Variants in COL5A2 observed in about 807,000 individuals in gnomAD.
COL5A2 encodes the protein collagen alpha-2(V) chain.
Under a neutral mutation model 208.2 loss-of-function variants are expected in COL5A2, and 23 were observed. The observed-to-expected ratio is 0.11, with a 90% CI of 0.08 to 0.16. The LOEUF is 0.16. Among genes scored for constraint, COL5A2 ranks in the 10% least tolerant of loss-of-function variants. The pLI is 1.00. For missense variants in COL5A2, 1,590 were observed against 1,956.4 expected (o/e 0.81, Z 3.53); for synonymous variants, 625 against 628.5 (o/e 0.99, Z 0.08).
chr2:189,196,052 A>T (rs1306703674), intron 1 of COL5A2, among the ~76,000 whole-genome samples: 1 of 152,172 alleles, frequency 6.6e-6, no homozygotes, highest in African/African-American at 2.4e-5. Flanking sequence ...TTTGCAATCT[A>T]CCCATCTGAC....
chr2:189,380,202 A>C, the COL5A2 span, among the ~76,000 whole-genome samples: 1 of 152,054 alleles, frequency 6.6e-6, no homozygotes, highest in African/African-American at 2.4e-5. Context: ...CTATCTAGGG[A>C]AGGTAGATGA....
the COL5A2 span, among the ~76,000 whole-genome samples, chr2:189,405,189 TA>T: frequency 6.6e-6 from 1 of 152,152 alleles, no homozygotes. Context: ...ATAAACACAT[TA>T]AAAAAATAGT....
chr2:189,221,970 C>T (rs1292473392), intron 1 of COL5A2, among the ~76,000 whole-genome samples: 1 of 151,834 alleles, frequency 6.6e-6, no homozygotes, highest in Admixed American at 6.6e-5. Context: ...TGAATGTGTA[C>T]ATAAGACAGT....
intron 10 of COL5A2, 132 bp from the exon 11 acceptor site, chr2:189,085,345 T>G (rs1482803477): frequency 2.3e-6 from 2 of 869,964 alleles, no homozygotes; most frequent in African/African-American, 3.4e-5. Context: ...TAAATATTGT[T>G]GAGACAGAGA....
At chr2:189,331,546 G>A in the COL5A2 span, among the ~76,000 whole-genome samples, 1 of 152,070 alleles carries the variant, frequency 6.6e-6, no homozygotes, top group Non-Finnish European at 1.5e-5. Flanking sequence ...TTTTAAAAAT[G>A]GGAGTTTCCC....
chr2:189,314,948 CA>C, the COL5A2 span, among the ~76,000 whole-genome samples: 4 of 151,884 alleles, frequency 2.6e-5, no homozygotes, highest in Non-Finnish European at 5.9e-5. Flanking sequence ...AATAGCATAC[CA>C]ACCAAAAAAA....
At chr2:189,055,769 G>A (rs1478887538) in intron 35 of COL5A2, among the ~76,000 whole-genome samples, 1 of 152,122 alleles carries the variant, frequency 6.6e-6, no homozygotes, top group Non-Finnish European at 1.5e-5. Flanking sequence ...AGCAGTCATT[G>A]CTTACATCCT....
chr2:189,331,758 G>C, the COL5A2 span, among the ~76,000 whole-genome samples: 1 of 152,004 alleles, frequency 6.6e-6, no homozygotes, highest in Non-Finnish European at 1.5e-5. Context: ...GAAAAATCCT[G>C]GCTAACATGG....
At chr2:189,042,591 T>C in intron 49 of COL5A2, 129 bp downstream of exon 49, 1 of 808,724 alleles carries the variant, frequency 1.2e-6, no homozygotes, top group Admixed American at 2.0e-5. Flanking sequence ...CTCATATGTG[T>C]GTTGCCAACC....
At chr2:189,085,391 A>C (rs1175584375) in intron 10 of COL5A2, among the ~76,000 whole-genome samples, 178 bp from the exon 11 acceptor site, 1 of 152,230 alleles carries the variant, frequency 6.6e-6, no homozygotes, top group Admixed American at 6.5e-5. Context: ...TTTATGTTGC[A>C]TCCCCAGATC....
chr2:189,258,575 G>GA, the COL5A2 span, among the ~76,000 whole-genome samples: 16 of 152,216 alleles, frequency 1.1e-4, no homozygotes, highest in South Asian at 2.1e-4. Context: ...CAGAACTGCT[G>GA]AAAAAATGCA....
chr2:189,358,247 T>TC, the COL5A2 span, among the ~76,000 whole-genome samples: 145 of 151,630 alleles, frequency 9.6e-4, no homozygotes, highest in Non-Finnish European at 1.8e-3. Context: ...AAAAAAAAAA[T>TC]CACTTCAAAA....
chr2:189,203,248 T>C (rs893344431), intron 1 of COL5A2, among the ~76,000 whole-genome samples: 6 of 152,128 alleles, frequency 3.9e-5, no homozygotes, highest in East Asian at 3.9e-4. Context: ...CAAAAAAGCA[T>C]AGAATGAACT....
rs863223498 is a variant in COL5A2 at position 189,035,136 on chromosome 2, T to C, written c.4133A>G (p.Gln1378Arg). ...CTGAGTAATGGCTGTATTAGGTGAT[T>C]GGTGGTCTCCATAAGCGAACTAGAA... ...RGSQFAYGDHQSPNTAITQMT... is the reference protein window; with the variant it reads ...RGSQFAYGDHRSPNTAITQMT... Residue 1378 changes from glutamine to arginine, a missense_variant, in exon 53 of 54, where the codon CAA becomes CGA. Coordinates refer to ENST00000374866, the MANE Select transcript of COL5A2 (RefSeq NM_000393.5). 3 of 1,613,898 alleles carry C rather than the reference T, an allele frequency of 1.9e-6. No homozygotes were observed. Among genetic ancestry groups the C allele is most frequent in the Non-Finnish European group, 2.5e-6 (3 of 1,179,862 alleles).
At position 189,034,234 on chromosome 2, in the gene COL5A2, A is replaced by G; in HGVS notation, c.4354-18T>C. ...TTCCGCTTCTGAAATTAAATGATGCAATGGGTTAAATGTACATACAATTTT... is the reference window on the plus strand; with the variant it reads ...TTCCGCTTCTGAAATTAAATGATGCGATGGGTTAAATGTACATACAATTTT... On this transcript the variant is annotated intron_variant, in intron 53 of 53. Coordinates refer to ENST00000374866, the MANE Select transcript of COL5A2 (RefSeq NM_000393.5). 4.3e-6 allele frequency: 7 copies of G among 1,613,654 alleles called. No homozygotes were observed. The highest frequency in any genetic ancestry group is 5.9e-6 in the Non-Finnish European group (7 of 1,179,778).
chr2:189,113,385 G>A (rs905236469), intron 1 of COL5A2, among the ~76,000 whole-genome samples: 1 of 151,998 alleles, frequency 6.6e-6, no homozygotes, highest in Non-Finnish European at 1.5e-5. Context: ...CTATGGGAAC[G>A]CTATGCTACT....
intron 1 of COL5A2, among the ~76,000 whole-genome samples, chr2:189,114,649 A>G (rs79401593): frequency 2.7e-5 from 4 of 145,656 alleles, no homozygotes; most frequent in African/African-American, 9.9e-5. Flanking sequence ...AAAAAAAAAA[A>G]TGTTTCTTAA....
At position 189,165,266 on chromosome 2, in the gene COL5A2, C is replaced by G. The variant is rs147901871; in HGVS notation, c.97+14242G>C. Among the ~76,000 whole-genome samples, 701 of 152,128 alleles carry G rather than the reference C, an allele frequency of 4.6e-3. 2 individuals carry two copies. Among genetic ancestry groups the G allele is most frequent in the Admixed American group, 8.4e-3 (129 of 15,286 alleles). On this transcript the variant is annotated intron_variant, in intron 1 of 53. Transcript: ENST00000374866. ...GAAATGCTTTGTAAATAATCAAGAGCTAAGCACAAACCTGCCCAAAGGGAA... is the reference window on the plus strand; with the variant it reads ...GAAATGCTTTGTAAATAATCAAGAGGTAAGCACAAACCTGCCCAAAGGGAA...
chr2:189,225,313 G>A (rs1343720561), upstream of COL5A2, among the ~76,000 whole-genome samples: 1 of 152,036 alleles, frequency 6.6e-6, no homozygotes, highest in African/African-American at 2.4e-5. Flanking sequence ...CAAGACCTTT[G>A]ATACAACAGG....
Sources: allele counts gnomAD v4.1 joint callset (sites outside exome capture counted in the v4.1 genomes callset), GRCh38; gene constraint gnomAD v4.1.1; transcripts MANE v1.5; gene names NCBI Gene and HGNC (gene_info 2026-07-23, HGNC 2026-07-21).